Variants in CACNA2D3 observed in about 807,000 individuals in gnomAD.
CACNA2D3 encodes the protein calcium voltage-gated channel auxiliary subunit alpha2delta 3.
A neutral mutation model predicts 160.6 loss-of-function variants in CACNA2D3; 60 were observed. The observed-to-expected ratio is 0.37, with a 90% confidence interval of 0.30 to 0.46. The LOEUF is 0.46. Ranked by LOEUF, CACNA2D3 falls within the 20% of genes least tolerant of loss-of-function variation. The probability of loss-of-function intolerance (pLI) is 1.00; values close to 1 mark genes in which losing one functional copy is unlikely to be tolerated. For synonymous variants in CACNA2D3, 558 were observed against 492.9 expected (o/e 1.13, Z -1.75); for missense variants, 1,205 against 1,365.0 (o/e 0.88, Z 1.85).
At chr3:54,618,126 A>C (rs898370763) in intron 9 of CACNA2D3, among the ~76,000 whole-genome samples, 1 of 151,700 alleles carries the variant, frequency 6.6e-6, no homozygotes, top group Admixed American at 6.6e-5. Flanking sequence ...CTCTGTCTAC[A>C]TTATCTTATT....
intron 27 of CACNA2D3, among the ~76,000 whole-genome samples, chr3:54,942,618 C>T (rs754604896): frequency 6.6e-6 from 1 of 151,948 alleles, no homozygotes; most frequent in Non-Finnish European, 1.5e-5. Context: ...GCCAGGCATA[C>T]TGGTTCACGC....
intron 11 of CACNA2D3, among the ~76,000 whole-genome samples, chr3:54,699,343 C>T (rs138602702): frequency 4.5e-4 from 69 of 152,240 alleles, no homozygotes; most frequent in African/African-American, 1.6e-3. Context: ...TCTCCAGTCC[C>T]GGGCATCTGC....
At chr3:54,652,191 C>T (rs1202232709) in intron 11 of CACNA2D3, among the ~76,000 whole-genome samples, 1 of 152,040 alleles carries the variant, frequency 6.6e-6, no homozygotes, top group Non-Finnish European at 1.5e-5. Flanking sequence ...TCCCATAGGA[C>T]TGGATTAATA....
intron 2 of CACNA2D3, among the ~76,000 whole-genome samples, chr3:54,311,676 G>A (rs1380412089): frequency 6.6e-5 from 10 of 152,176 alleles, no homozygotes. Context: ...GATCCATGCA[G>A]CTCTGTGTCA....
chr3:54,238,509 C>T (rs1386281081), intron 2 of CACNA2D3, among the ~76,000 whole-genome samples: 1 of 152,206 alleles, frequency 6.6e-6, no homozygotes, highest in East Asian at 1.9e-4. Flanking sequence ...TATTTTCCTT[C>T]TGTCATCACA....
At chr3:54,179,015 C>T (rs1700729134) in intron 2 of CACNA2D3, among the ~76,000 whole-genome samples, 1 of 152,046 alleles carries the variant, frequency 6.6e-6, no homozygotes, top group South Asian at 2.1e-4. Context: ...GCTGACAGTA[C>T]CCAGCACTGC....
At chr3:54,632,565 G>T (rs1575394958) in intron 10 of CACNA2D3, 1 of 152,244 alleles carries the variant, frequency 6.6e-6, no homozygotes, top group Non-Finnish European at 1.5e-5. Flanking sequence ...AGTCTTAGCA[G>T]CTTCCCAGAG....
rs115826084 is a variant in CACNA2D3 at position 54,699,477 on chromosome 3, G to A, written c.1168-53122G>A. Among the ~76,000 whole-genome samples the A allele has an allele frequency of 6.0e-3, 921 of 152,254 alleles. 10 individuals carry two copies. The highest frequency in any genetic ancestry group is 0.021 in the African/African-American group (878 of 41,562). On this transcript the variant is annotated intron_variant, in intron 11 of 37. Coordinates refer to ENST00000474759, the MANE Select transcript of CACNA2D3 (RefSeq NM_018398.3). ...ACTAACAAGTTGTTCAGAAGCCAGC[G>A]TTTCCTTCTTGCCCCTTCTCCTCTT...
intron 29 of CACNA2D3, among the ~76,000 whole-genome samples, chr3:54,982,018 G>C (rs575471191): frequency 6.6e-6 from 1 of 152,290 alleles, no homozygotes; most frequent in African/African-American, 2.4e-5. Flanking sequence ...AAAAAGTTCA[G>C]GTGGCCACTT....
intron 14 of CACNA2D3, among the ~76,000 whole-genome samples, chr3:54,834,098 T>C (rs772308943): frequency 6.6e-6 from 1 of 152,252 alleles, no homozygotes; most frequent in African/African-American, 2.4e-5. Flanking sequence ...CTGAGTGAAG[T>C]TGATACTATA....
At chr3:54,776,881 A>T (rs1702435695) in intron 13 of CACNA2D3, among the ~76,000 whole-genome samples, 1 of 152,108 alleles carries the variant, frequency 6.6e-6, no homozygotes, top group Non-Finnish European at 1.5e-5. Context: ...GTGCCTTCCG[A>T]GAGCTGAGGA....
chr3:54,467,166 C>T (rs1466405023), intron 4 of CACNA2D3, among the ~76,000 whole-genome samples: 1 of 152,112 alleles, frequency 6.6e-6, no homozygotes, highest in Non-Finnish European at 1.5e-5. Context: ...TGATTTGTCT[C>T]CAGGAAAATA....
chr3:54,341,645 T>C (rs1038688531), intron 3 of CACNA2D3, among the ~76,000 whole-genome samples: 3 of 152,158 alleles, frequency 2.0e-5, no homozygotes, highest in Admixed American at 2.0e-4. Context: ...CCCTGAGAGG[T>C]TGCCAAGTGT....
rs371705684 is a variant in CACNA2D3, at chr3:55,065,833, A to G, written c.2988-7612A>G. Among the ~76,000 whole-genome samples, 6 of 152,284 alleles carry G rather than the reference A, an allele frequency of 3.9e-5. No individual in the cohort carries two copies. In the East Asian group the frequency reaches 1.2e-3, roughly 29 times the overall value. ...CCACTCAATAATCTTGTTCACTTGCATTTCTAGGCCAATCCTCACTGTGGC... is the reference window on the plus strand; with the variant it reads ...CCACTCAATAATCTTGTTCACTTGCGTTTCTAGGCCAATCCTCACTGTGGC... On this transcript the variant is annotated intron_variant, in intron 35 of 37. Transcript: ENST00000474759.
chr3:54,330,268 A>T (rs1187258128), intron 3 of CACNA2D3, among the ~76,000 whole-genome samples: 1 of 151,074 alleles, frequency 6.6e-6, no homozygotes, highest in Non-Finnish European at 1.5e-5. Context: ...AAGGAAAATC[A>T]GATCCTTGGG....
rs77665050 is a variant in CACNA2D3 at position 54,370,849 on chromosome 3, A to C, written c.322-15866A>C. Among the ~76,000 whole-genome samples, 713 of 152,010 alleles carry C rather than the reference A, an allele frequency of 4.7e-3. 21 individuals are homozygous for C. The East Asian group carries it at 0.079, about 17-fold the overall frequency. Reference sequence around the variant, plus strand: ...CCCCCGACTCCAGAAAAAAAAAAAAAAAAACAGTACACTTTAACATTTTTC... The same window carrying C: ...CCCCCGACTCCAGAAAAAAAAAAAACAAAACAGTACACTTTAACATTTTTC... On this transcript the variant is annotated intron_variant, in intron 3 of 37. Coordinates refer to ENST00000474759, the MANE Select transcript of CACNA2D3 (RefSeq NM_018398.3).
At chr3:55,004,683 G>A in intron 31 of CACNA2D3, 80 bp from the exon 32 acceptor site, 1 of 891,226 alleles carries the variant, frequency 1.1e-6, no homozygotes, top group East Asian at 2.5e-5. Flanking sequence ...GATAGTGACT[G>A]CTCACCTTGT....
chr3:54,821,724 TC>T lies in CACNA2D3; in HGVS notation c.1398+4855del, dbSNP rs1559595032. Among the ~76,000 whole-genome samples the T allele has an allele frequency of 5.5e-5, 7 of 126,500 alleles. No homozygotes were observed. The East Asian group carries it at 1.0e-3, about 18-fold the overall frequency. 83.0% of individuals were successfully genotyped at this position (126,500 alleles called of 152,430 possible). A position where few individuals can be genotyped will look rare whatever the true frequency, so the allele number is the denominator to read the frequency against. Reference sequence around the variant, plus strand: ...TCCTTCCTTCCTTCTTTCCTCTCTCTCTCTCTCTCTCTTTCTCTCTCTCTCT... The same window carrying T: ...TCCTTCCTTCCTTCTTTCCTCTCTCTTCTCTCTCTCTTTCTCTCTCTCTCT... On this transcript the variant is annotated intron_variant, in intron 14 of 37. Transcript: ENST00000474759.
intron 2 of CACNA2D3, among the ~76,000 whole-genome samples, chr3:54,291,053 A>G (rs1410212503): frequency 1.3e-5 from 2 of 152,222 alleles, no homozygotes; most frequent in Non-Finnish European, 1.5e-5. Context: ...AACTTAAAGT[A>G]TAATAAAATA....
Sources: allele counts gnomAD v4.1 joint callset (sites outside exome capture counted in the v4.1 genomes callset), GRCh38; gene constraint gnomAD v4.1.1; transcripts MANE v1.5; gene names NCBI Gene and HGNC (gene_info 2026-07-23, HGNC 2026-07-21).